The following EFCAB6 variants were observed in gnomAD, a reference collection of about 807,000 sequenced individuals.
EFCAB6 encodes EF-hand calcium binding domain 6.
EFCAB6 carries 156 observed loss-of-function variants against 169.8 expected under a neutral mutation model. The ratio of observed to expected loss-of-function variants is 0.92; its 90% CI spans 0.81 to 1.05. The LOEUF is 1.05. Ranked by LOEUF, EFCAB6 falls within the 50% of genes least tolerant of loss-of-function variation. The pLI, the probability that EFCAB6 is intolerant of heterozygous loss-of-function variation, is 0.00. For synonymous variants in EFCAB6, 698 were observed against 676.4 expected (o/e 1.03, Z -0.50); for missense variants, 1,800 against 1,829.1 (o/e 0.98, Z 0.29).
intron 10 of EFCAB6, among the ~76,000 whole-genome samples, chr22:43,705,027 G>A (rs1330805961): frequency 1.3e-5 from 2 of 151,926 alleles, no homozygotes; most frequent in African/African-American, 4.8e-5. Flanking sequence ...GAAAGTAAAG[G>A]GATGAAAAAA....
At chr22:43,589,992 G>T in intron 24 of EFCAB6, 82 bp downstream of exon 24, 1 of 1,522,608 alleles carries the variant, frequency 6.6e-7, no homozygotes, top group Non-Finnish European at 8.9e-7. Context: ...CTGTTTGGGC[G>T]GACATACAGA....
chr22:43,672,306 C>T lies in EFCAB6; in HGVS notation c.1420-1G>A, dbSNP rs1467366830. 2 of 1,613,864 alleles carry T rather than the reference C, an allele frequency of 1.2e-6. No individual in the cohort carries two copies. Among genetic ancestry groups the T allele is most frequent in the East Asian group, 2.2e-5 (1 of 44,854 alleles). On this transcript the variant is annotated splice_acceptor_variant, in intron 13 of 31. Coordinates refer to ENST00000262726, the MANE Select transcript of EFCAB6 (RefSeq NM_022785.4). LOFTEE classifies it high-confidence loss of function. ...CTGTACAGGGAGATGTCTTTCTCAT[C>T]TAATTGGGAAAGAGAAAGTATATAA...
intron 5 of EFCAB6, 73 bp from the exon 6 acceptor site, chr22:43,755,905 C>CA: frequency 7.7e-7 from 1 of 1,298,098 alleles, no homozygotes; most frequent in Middle Eastern, 2.5e-4. Context: ...ATGCAGAGAT[C>CA]AAAATTACAA....
intron 26 of EFCAB6, among the ~76,000 whole-genome samples, chr22:43,563,403 A>G (rs2049199166): frequency 6.6e-6 from 1 of 152,004 alleles, no homozygotes; most frequent in Non-Finnish European, 1.5e-5. Flanking sequence ...CCCCATCTCT[A>G]CAAAAAATAC....
At chr22:43,802,786 C>G in intron 2 of EFCAB6, 1 of 505,744 alleles carries the variant, frequency 2.0e-6, no homozygotes, top group Admixed American at 2.1e-5. Context: ...GAAGTGTGTG[C>G]ATTTTTAATA....
intron 26 of EFCAB6, among the ~76,000 whole-genome samples, chr22:43,573,703 C>T (rs1188874497): frequency 7.0e-6 from 1 of 143,472 alleles, no homozygotes; most frequent in African/African-American, 2.7e-5. Context: ...TGCACTCCAG[C>T]CTGGGCAACA....
At chr22:43,592,975 A>T (rs16990787) in intron 23 of EFCAB6, among the ~76,000 whole-genome samples, 5,878 of 152,214 alleles carry the variant, frequency 0.039, 125 homozygotes, top group African/African-American at 0.05. Flanking sequence ...ATTCCCCTAG[A>T]TTTAAGAGGC....
At chr22:43,742,069 A>G (rs1488654133) in intron 6 of EFCAB6, among the ~76,000 whole-genome samples, 1 of 152,162 alleles carries the variant, frequency 6.6e-6, no homozygotes. Flanking sequence ...CTCAGAAAAG[A>G]ACATCTTGCC....
intron 11 of EFCAB6, among the ~76,000 whole-genome samples, chr22:43,684,986 A>C (rs1471827363): frequency 6.6e-6 from 1 of 152,204 alleles, no homozygotes; most frequent in African/African-American, 2.4e-5. Context: ...CAAAAGATCA[A>C]AATCTCTAAA....
chr22:43,672,294 T>G lies in EFCAB6; in HGVS notation c.1431A>C (p.Thr477=). Reference sequence around the variant, plus strand: ...GTGTCTTAGCATCTGTACAGGGAGATGTCTTTCTCATCTAATTGGGAAAGA... The same window carrying G: ...GTGTCTTAGCATCTGTACAGGGAGAGGTCTTTCTCATCTAATTGGGAAAGA... ...LIEENCRMRK[T]SPCTDAKTPF... Residue 477 remains threonine, a synonymous_variant, in exon 14 of 32, where the codon ACA becomes ACC. Coordinates refer to ENST00000262726, the MANE Select transcript of EFCAB6 (RefSeq NM_022785.4). The G allele has an allele frequency of 6.2e-7, 1 of 1,614,152 alleles. No individual in the cohort carries two copies. The highest frequency in any genetic ancestry group is 8.5e-7 in the Non-Finnish European group (1 of 1,180,006).
At chr22:43,643,559 C>T (rs1291425205) in intron 17 of EFCAB6, among the ~76,000 whole-genome samples, 3 of 152,236 alleles carry the variant, frequency 2.0e-5, no homozygotes, top group Non-Finnish European at 4.4e-5. Context: ...GCAGCCAAGG[C>T]TGAAGTGCAG....
chr22:43,692,612 GACTTA>G (rs1466048962), intron 10 of EFCAB6, among the ~76,000 whole-genome samples: 1 of 152,026 alleles, frequency 6.6e-6, no homozygotes, highest in Non-Finnish European at 1.5e-5. Flanking sequence ...TTACTGAATA[GACTTA>G]ACAAAAGAAT....
chr22:43,715,033 G>A (rs544857549), intron 9 of EFCAB6, among the ~76,000 whole-genome samples: 2 of 152,292 alleles, frequency 1.3e-5, no homozygotes, highest in East Asian at 3.9e-4. Context: ...GTAGGCGTAG[G>A]AAGAAACAAG....
chr22:43,564,055 A>G (rs913452439), intron 26 of EFCAB6, among the ~76,000 whole-genome samples: 4 of 152,208 alleles, frequency 2.6e-5, no homozygotes, highest in East Asian at 1.9e-4. Flanking sequence ...TCCGTCCTCC[A>G]TCTGAGAAAT....
rs757704230 is a variant in EFCAB6, at chr22:43,687,453, T to TG, written c.1142+17_1142+18insC. 455 of 1,375,360 alleles carry TG rather than the reference T, an allele frequency of 3.3e-4. 1 individual carries two copies. In the African/African-American group the frequency reaches 5.5e-3, roughly 17 times the overall value. The allele number at this position is 1,375,360 out of a possible 1,614,324, so 85.2% of individuals were successfully genotyped here. ...ATATGTGTAACTAAAATTTGTTTTT[T>TG]TTTTTTTTTTTACATACCTATTTCT... On this transcript the variant is annotated intron_variant, in intron 11 of 31. Transcript: ENST00000262726.
At chr22:43,666,689 TTG>T (rs1403456718) in intron 17 of EFCAB6, among the ~76,000 whole-genome samples, 1 of 114,316 alleles carries the variant, frequency 8.7e-6, no homozygotes, top group African/African-American at 3.1e-5. Flanking sequence ...CACTGCCAGA[TTG>T]TTTTTTTTTT....
At chr22:43,750,348 G>A (rs1181775246) in intron 6 of EFCAB6, among the ~76,000 whole-genome samples, 2 of 152,072 alleles carry the variant, frequency 1.3e-5, no homozygotes, top group African/African-American at 4.8e-5. Flanking sequence ...TTAGATGCAC[G>A]GAGACACAAG....
chr22:43,671,194 GTTTTTGT>G lies in EFCAB6; in HGVS notation c.1640+772_1640+778del, dbSNP rs1414879582. Reference sequence around the variant, plus strand: ...TTGTTTGTTTGGTTGGATGGCTTCTGTTTTTGTTTTTTGTTTTTTGTTTTGAGATGGA... The same window carrying G: ...TTGTTTGTTTGGTTGGATGGCTTCTGTTTTTGTTTTTTGTTTTGAGATGGA... On this transcript the variant is annotated intron_variant, in intron 15 of 31. Coordinates refer to ENST00000262726, the MANE Select transcript of EFCAB6 (RefSeq NM_022785.4). Among the ~76,000 whole-genome samples the G allele has an allele frequency of 8.5e-5, 13 of 152,152 alleles. No individual in the cohort carries two copies. In the East Asian group the frequency reaches 1.4e-3, roughly 16 times the overall value.
intron 30 of EFCAB6, among the ~76,000 whole-genome samples, chr22:43,532,498 G>C (rs144910327): frequency 6.6e-6 from 1 of 152,232 alleles, no homozygotes; most frequent in Non-Finnish European, 1.5e-5. Flanking sequence ...TGTTCTCCAC[G>C]TTCGTGGCTC....
Sources: allele counts gnomAD v4.1 joint callset (sites outside exome capture counted in the v4.1 genomes callset), GRCh38; gene constraint gnomAD v4.1.1; transcripts MANE v1.5; gene names NCBI Gene and HGNC (gene_info 2026-07-23, HGNC 2026-07-21).